Variants in GSTA3 observed in about 807,000 individuals in gnomAD.
GSTA3 encodes glutathione S-transferase A3.
A neutral mutation model predicts 23.1 loss-of-function variants in GSTA3; 16 were observed. That is an observed-to-expected ratio of 0.69 (90% confidence interval 0.47 to 1.05). The LOEUF is 1.05. GSTA3 is among the 50% of genes least tolerant of loss of function. The probability of loss-of-function intolerance (pLI) is 0.00; values close to 1 mark genes in which losing one functional copy is unlikely to be tolerated. For synonymous variants in GSTA3, 122 were observed against 91.0 expected (o/e 1.34, Z -1.94); for missense variants, 319 against 263.6 (o/e 1.21, Z -1.46).
Position 52,900,053 on chromosome 6 carries a change from T to C in GSTA3, c.295A>G (p.Met99Val), listed in dbSNP as rs1482153573. Residue 99 changes from methionine (M) to valine (V), a missense_variant, in exon 5 of 7, where the codon ATG becomes GTG. Met to Val is a conservative substitution (Grantham distance 21, BLOSUM62 1). Transcript: ENST00000211122. ...AGGATCATTTCATTCAAATCTGCCA[T>C]ACCTTCTGTATACATATCAATTCTG... ...RALIDMYTEGMADLNEMILLL... is the reference protein window; with the variant it reads ...RALIDMYTEGVADLNEMILLL... The C allele has an allele frequency of 3.1e-6, 5 of 1,613,250 alleles. No individual in the cohort carries two copies. The Admixed American group carries it at 5.0e-5, about 16-fold the overall frequency.
At chr6:52,899,559 A>C (rs1231460066) in intron 5 of GSTA3, among the ~76,000 whole-genome samples, 3 of 152,238 alleles carry the variant, frequency 2.0e-5, no homozygotes, top group African/African-American at 7.2e-5. Flanking sequence ...GTGCCAGAAT[A>C]GTTTCTAATG....
chr6:52,904,173 A>G lies in GSTA3; in HGVS notation c.88-446T>C, dbSNP rs539563028. Among the ~76,000 whole-genome samples, 30 of 151,936 alleles carry G rather than the reference A, an allele frequency of 2.0e-4. No individual in the cohort carries two copies. In the South Asian group the frequency reaches 3.4e-3, roughly 17 times the overall value. Reference sequence around the variant, plus strand: ...AGCTAATTTTTTATTTCTATTTTGTAGTGCTGGGGTCTCGCTGTGTTGCCT... The same window carrying G: ...AGCTAATTTTTTATTTCTATTTTGTGGTGCTGGGGTCTCGCTGTGTTGCCT... On this transcript the variant is annotated intron_variant, in intron 2 of 6. Coordinates refer to ENST00000211122, the MANE Select transcript of GSTA3 (RefSeq NM_000847.5).
rs1463740760 is a variant in GSTA3 at position 52,897,882 on chromosome 6, A to G, written c.489T>C (p.Leu163=). Residue 163 remains leucine (L), a synonymous_variant, in exon 6 of 7, where the codon CTT becomes CTC. Transcript: ENST00000211122. ...LSRADISLVE[L]LYYVEELDSS... ...AGTCAAGCTCTTCCACATAGTAGAG[A>G]AGTTCCACCAGGCTAATGTCAGCCC... 3 of 1,613,768 alleles carry G rather than the reference A, an allele frequency of 1.9e-6. No individual in the cohort carries two copies. In the Admixed American group the frequency reaches 5.0e-5, roughly 27 times the overall value.
chr6:52,902,153 C>A lies in GSTA3; in HGVS notation c.272+193G>T, dbSNP rs1228860424. 2.0e-5 allele frequency among the ~76,000 whole-genome samples: 3 copies of A among 152,190 alleles called. No homozygotes were observed. In the East Asian group the frequency reaches 5.8e-4, roughly 29 times the overall value. On this transcript the variant is annotated intron_variant, in intron 4 of 6. Coordinates refer to ENST00000211122, the MANE Select transcript of GSTA3 (RefSeq NM_000847.5). ...TGGAATGCATCCTCTTCTAGAATCA[C>A]ACTCACCTGAACCCTCCTCACGTTC...
In GSTA3 at chr6:52,899,944, G is replaced by T. The variant is rs763125264; in HGVS notation, c.404C>A (p.Ala135Asp). 18 of 1,613,778 alleles carry T rather than the reference G, an allele frequency of 1.1e-5. No individual in the cohort carries two copies. The highest frequency in any genetic ancestry group is 2.2e-5 in the East Asian group (1 of 44,872). Reference protein sequence around the residue: ...KEKTKSRYFPAFEKVLQSHGQ... With the variant: ...KEKTKSRYFPDFEKVLQSHGQ... Reference sequence around the variant, plus strand: ...AACAGCTTCACCTACTTTTTCGAAGGCAGGGAAATAGCGACTTTTTGTTTT... The same window carrying T: ...AACAGCTTCACCTACTTTTTCGAAGTCAGGGAAATAGCGACTTTTTGTTTT... Residue 135 changes from alanine to aspartate, a missense_variant, in exon 5 of 7, where the codon GCC becomes GAC. Physicochemically the swap from Ala to Asp is moderately radical, Grantham distance 126. Coordinates refer to ENST00000211122, the MANE Select transcript of GSTA3 (RefSeq NM_000847.5).
chr6:52,897,456 A>G (rs1332557465), intron 6 of GSTA3, among the ~76,000 whole-genome samples: 1 of 152,212 alleles, frequency 6.6e-6, no homozygotes, highest in East Asian at 1.9e-4. Flanking sequence ...AAGGAACCAG[A>G]TGGAAAGGGC....
intron 1 of GSTA3, among the ~76,000 whole-genome samples, chr6:52,908,743 G>A: frequency 6.6e-6 from 1 of 152,142 alleles, no homozygotes; most frequent in South Asian, 2.1e-4. Flanking sequence ...GAAAGAACTT[G>A]CATATAGAAG....
chr6:52,903,415 G>A (rs992280563), intron 3 of GSTA3, among the ~76,000 whole-genome samples: 4 of 143,744 alleles, frequency 2.8e-5, no homozygotes, highest in South Asian at 2.3e-4. Context: ...ATGAAACCCC[G>A]TCTCTACTAA....
Position 52,896,719 on chromosome 6 carries a change from C to G in GSTA3, c.*87G>C. 6.8e-7 allele frequency: 1 copy of G among 1,464,100 alleles called. No individual in the cohort carries two copies. Among genetic ancestry groups the G allele is most frequent in the Non-Finnish European group, 9.4e-7 (1 of 1,059,482 alleles). 90.7% of individuals were successfully genotyped at this position (1,464,100 alleles called of 1,614,324 possible). On this transcript the variant is annotated 3_prime_UTR_variant, in exon 7 of 7. Transcript: ENST00000211122. ...AAGGGTTCATTAGCTTTACAACAGG[C>G]ACAATCAACACTTAAGTAAAGCACT...
Position 52,896,842 on chromosome 6 carries a change from T to A in GSTA3, c.633A>T (p.Lys211Asn), listed in dbSNP as rs1765457566. 5 of 1,613,948 alleles carry A rather than the reference T, an allele frequency of 3.1e-6. No individual in the cohort carries two copies. The highest frequency in any genetic ancestry group is 3.4e-6 in the Non-Finnish European group (4 of 1,179,950). ...GSPRKPPADA[K>N]ALEEARKIFR... ...AAATCTTTCTGGCTTCTTCTAAAGC[T>A]TTTGCATCTGCGGGAGGCTTCCTTG... Residue 211 changes from lysine (K) to asparagine (N), a missense_variant, in exon 7 of 7, where the codon AAA (lysine) becomes AAT (asparagine). By Grantham distance (94) the Lys-to-Asn change is moderately conservative (BLOSUM62 0). Transcript: ENST00000211122.
chr6:52,909,474 C>T (rs921006569), intron 1 of GSTA3, among the ~76,000 whole-genome samples, 167 bp downstream of exon 1: 1 of 152,130 alleles, frequency 6.6e-6, no homozygotes, highest in Non-Finnish European at 1.5e-5. Flanking sequence ...TTTTTCTTTA[C>T]CGACCTGTCC....
At chr6:52,909,129 T>C (rs1437453775) in intron 1 of GSTA3, among the ~76,000 whole-genome samples, 3 of 152,202 alleles carry the variant, frequency 2.0e-5, no homozygotes, top group Non-Finnish European at 2.9e-5. Context: ...AGATCCTGAT[T>C]GTCAAGCATT....
In GSTA3 at chr6:52,902,371, C is replaced by T. The variant is rs565494491; in HGVS notation, c.247G>A (p.Gly83Arg). 3.8e-4 allele frequency: 620 copies of T among 1,613,888 alleles called. 7 individuals are homozygous for T. In the South Asian group the frequency reaches 5.9e-3, roughly 15 times the overall value. ...AGGGCTCTCTCCTTTATGTCTTTCC[C>T]GTAGAGGTTGTATTTGCTGGCAATG... ...NYIASKYNLY[G>R]KDIKERALID... Residue 83 changes from glycine (G) to arginine (R), a missense_variant, in exon 4 of 7, where the codon GGG (glycine) becomes AGG (arginine). Physicochemically the swap from Gly to Arg is moderately radical, Grantham distance 125. Coordinates refer to ENST00000211122, the MANE Select transcript of GSTA3 (RefSeq NM_000847.5).
chr6:52,906,827 G>T (rs1286950505), intron 1 of GSTA3, among the ~76,000 whole-genome samples: 3 of 151,070 alleles, frequency 2.0e-5, no homozygotes, highest in Non-Finnish European at 4.4e-5. Flanking sequence ...ATGGATTAAA[G>T]ACTTAAACGT....
At chr6:52,899,199 G>C (rs1433464028) in intron 5 of GSTA3, among the ~76,000 whole-genome samples, 1 of 152,086 alleles carries the variant, frequency 6.6e-6, no homozygotes, top group Non-Finnish European at 1.5e-5. Context: ...GTAGGTAATC[G>C]AAAAAGATTG....
chr6:52,907,463 C>T (rs904719462), intron 1 of GSTA3, among the ~76,000 whole-genome samples: 1 of 149,410 alleles, frequency 6.7e-6, no homozygotes, highest in African/African-American at 2.5e-5. Context: ...CCCAGCCATC[C>T]CATTACTGGG....
intron 2 of GSTA3, among the ~76,000 whole-genome samples, chr6:52,904,370 T>C (rs1765817646): frequency 6.6e-6 from 1 of 152,314 alleles, no homozygotes; most frequent in East Asian, 1.9e-4. Flanking sequence ...GGAAAGGCAC[T>C]GAGCTGCAGA....
Position 52,896,773 on chromosome 6 carries a change from T to C in GSTA3, c.*33A>G. On this transcript the variant is annotated 3_prime_UTR_variant, in exon 7 of 7. Coordinates refer to ENST00000211122, the MANE Select transcript of GSTA3 (RefSeq NM_000847.5). Reference sequence around the variant, plus strand: ...TTGTTGCAAAACTTTAGAATATTGGTCTTGCATGTTCTTAGCCTCCATGGC... The same window carrying C: ...TTGTTGCAAAACTTTAGAATATTGGCCTTGCATGTTCTTAGCCTCCATGGC... 6.2e-7 allele frequency: 1 copy of C among 1,612,204 alleles called. No individual in the cohort carries two copies. The highest frequency in any genetic ancestry group is 8.5e-7 in the Non-Finnish European group (1 of 1,179,104).
At chr6:52,907,666 C>T (rs559473723) in intron 1 of GSTA3, among the ~76,000 whole-genome samples, 2,177 of 152,020 alleles carry the variant, frequency 0.014, 19 homozygotes, top group Middle Eastern at 0.044. Flanking sequence ...AGTTCATGTC[C>T]TTTGTAGGGA....
Sources: allele counts gnomAD v4.1 joint callset (sites outside exome capture counted in the v4.1 genomes callset), GRCh38; gene constraint gnomAD v4.1.1; transcripts MANE v1.5; gene names NCBI Gene and HGNC (gene_info 2026-07-23, HGNC 2026-07-21).